Variants in DOCK1 observed in about 807,000 individuals in gnomAD.
DOCK1 encodes the protein dedicator of cytokinesis 1.
DOCK1 carries 138 observed loss-of-function variants against 262.7 expected under a neutral mutation model. The ratio of observed to expected loss-of-function variants is 0.53; its 90% CI spans 0.46 to 0.61. The LOEUF (loss-of-function observed/expected upper bound fraction) is 0.61. Among genes scored for constraint, DOCK1 ranks in the 20% least tolerant of loss-of-function variants. The pLI is 0.00. For synonymous variants in DOCK1, 866 were observed against 867.4 expected, an observed-to-expected ratio of 1.00 and a Z score of 0.03; for missense variants, 1,908 against 2,370.7, an observed-to-expected ratio of 0.80 and a Z score of 4.05.
intron 23 of DOCK1, among the ~76,000 whole-genome samples, chr10:127,076,095 G>A (rs1044322521): frequency 6.6e-6 from 1 of 152,328 alleles, no homozygotes; most frequent in East Asian, 1.9e-4. Flanking sequence ...TTCTTACACA[G>A]AGGGGTGCAA....
intron 27 of DOCK1, among the ~76,000 whole-genome samples, chr10:127,199,879 C>A (rs2057375711): frequency 6.6e-6 from 1 of 152,178 alleles, no homozygotes; most frequent in African/African-American, 2.4e-5. Flanking sequence ...TAACCCTTAC[C>A]CCTCAGTGAA....
At chr10:127,317,006 TG>T (rs2062312805) in intron 29 of DOCK1, among the ~76,000 whole-genome samples, 2 of 152,310 alleles carry the variant, frequency 1.3e-5, no homozygotes, top group African/African-American at 4.8e-5. Flanking sequence ...TAAAGCGAGC[TG>T]ACTTTTCTGT....
intron 46 of DOCK1, among the ~76,000 whole-genome samples, chr10:127,422,505 G>T (rs1394817253): frequency 6.6e-6 from 1 of 151,964 alleles, no homozygotes; most frequent in Non-Finnish European, 1.5e-5. Context: ...TGAGTGAGAA[G>T]TTTTATTTAT....
In DOCK1 at chr10:127,093,242, C is replaced by CTTT. The variant is rs200302331; in HGVS notation, c.2446-12971_2446-12969dup. 2.4e-3 allele frequency among the ~76,000 whole-genome samples: 194 copies of CTTT among 79,260 alleles called. 1 individual carries two copies. Among genetic ancestry groups the CTTT allele is most frequent in the African/African-American group, 3.5e-3 (53 of 15,024 alleles). The allele number at this position is 79,260 out of a possible 152,430, so 52.0% of individuals were successfully genotyped here. On this transcript the variant is annotated intron_variant, in intron 23 of 51. Transcript: ENST00000623213. The stretch of plus-strand genomic sequence containing the variant: ...TCTTTTCTTTCTTTCTTTCTTTCTT[C>CTTT]TTTTTTTTTTTTTTTTTTTTGGAGA...
chr10:127,332,187 C>G (rs1205162365), intron 29 of DOCK1, among the ~76,000 whole-genome samples: 1 of 152,062 alleles, frequency 6.6e-6, no homozygotes, highest in Non-Finnish European at 1.5e-5. Context: ...TCATGGAGAC[C>G]CAAGTGGGGA....
Position 127,409,382 on chromosome 10 carries a change from A to G in DOCK1, c.4334A>G (p.Gln1445Arg). The G allele has an allele frequency of 1.2e-6, 2 of 1,614,022 alleles. No homozygotes were observed. Among genetic ancestry groups the G allele is most frequent in the Non-Finnish European group, 1.7e-6 (2 of 1,179,900 alleles). Residue 1445 changes from glutamine (Q) to arginine (R), a missense_variant, in exon 42 of 52, where the codon CAG becomes CGG. Physicochemically the swap from Gln to Arg is conservative, Grantham distance 43 (BLOSUM62 1). Around this residue, in one of 9 missense-constraint regions of DOCK1, gnomAD observed 267 missense variants for 366.3 expected, o/e 0.73. Coordinates refer to ENST00000623213, the MANE Select transcript of DOCK1 (RefSeq NM_001290223.2). Reference protein sequence around the residue: ...PPKFHRPVSEQIVSFYRVNEV... With the variant: ...PPKFHRPVSERIVSFYRVNEV... Reference sequence around the variant, plus strand: ...AAGTTTCACAGGCCAGTGTCAGAGCAGATTGTAAGGTAATAATCCCATTTT... The same window carrying G: ...AAGTTTCACAGGCCAGTGTCAGAGCGGATTGTAAGGTAATAATCCCATTTT...
intron 29 of DOCK1, among the ~76,000 whole-genome samples, chr10:127,327,397 G>A (rs534070089): frequency 1.2e-3 from 186 of 152,300 alleles, no homozygotes; most frequent in African/African-American, 4.0e-3. Flanking sequence ...TTTATGTTAT[G>A]GAGATGGCTT....
chr10:127,003,226 C>T (rs1428866218), intron 10 of DOCK1, among the ~76,000 whole-genome samples: 1 of 151,960 alleles, frequency 6.6e-6, no homozygotes, highest in Non-Finnish European at 1.5e-5. Flanking sequence ...CTGTGTGAAC[C>T]TTTATGAACC....
At chr10:126,961,240 A>G (rs949932543) in intron 1 of DOCK1, among the ~76,000 whole-genome samples, 23 of 152,274 alleles carry the variant, frequency 1.5e-4, no homozygotes, top group African/African-American at 4.8e-4. Flanking sequence ...CCTAAGAAAG[A>G]TATGAACCCA....
intron 27 of DOCK1, among the ~76,000 whole-genome samples, chr10:127,184,736 T>C (rs1365491888): frequency 6.6e-6 from 1 of 152,226 alleles, no homozygotes; most frequent in African/African-American, 2.4e-5. Context: ...CAGTCTCTAC[T>C]TTGTGTCTTC....
chr10:127,052,965 ATCCT>A, intron 22 of DOCK1, 150 bp downstream of exon 22: 1 of 1,302,698 alleles, frequency 7.7e-7, no homozygotes, highest in Non-Finnish European at 1.0e-6. Flanking sequence ...AGCACTGTTG[ATCCT>A]GGGGTGAGCT....
intron 21 of DOCK1, among the ~76,000 whole-genome samples, chr10:127,047,709 G>T (rs1273524121): frequency 2.1e-4 from 32 of 152,140 alleles, no homozygotes; most frequent in Admixed American, 2.1e-3. Flanking sequence ...TGTGGTTTCT[G>T]TTAGGAATGT....
At chr10:127,047,608 G>A (rs1420728308) in intron 21 of DOCK1, among the ~76,000 whole-genome samples, 3 of 145,720 alleles carry the variant, frequency 2.1e-5, no homozygotes, top group Admixed American at 7.0e-5. Context: ...TGGAACTACT[G>A]CCCAAAACAA....
chr10:127,147,959 A>T (rs894204185), intron 27 of DOCK1, among the ~76,000 whole-genome samples: 3 of 136,492 alleles, frequency 2.2e-5, no homozygotes, highest in African/African-American at 8.0e-5. Context: ...TCAACCCAGG[A>T]GGAGGAGGGT....
intron 29 of DOCK1, among the ~76,000 whole-genome samples, chr10:127,266,933 G>A (rs998307960): frequency 6.6e-6 from 1 of 152,170 alleles, no homozygotes; most frequent in African/African-American, 2.4e-5. Flanking sequence ...AACTTGGGCT[G>A]TACCTGAGTG....
At chr10:127,280,035 A>AAATT (rs1590248247) in intron 29 of DOCK1, among the ~76,000 whole-genome samples, 1 of 59,788 alleles carries the variant, frequency 1.7e-5, no homozygotes, top group African/African-American at 7.5e-5. Context: ...TATATATATA[A>AAATT]TTTTTTTTTT....
chr10:127,037,394 G>T (rs1422326724), intron 18 of DOCK1, among the ~76,000 whole-genome samples: 1 of 152,234 alleles, frequency 6.6e-6, no homozygotes, highest in Admixed American at 6.5e-5. Flanking sequence ...GGGTGAGCAG[G>T]CCTCTTCAGG....
chr10:127,357,211 A>G (rs1470892451), intron 32 of DOCK1, among the ~76,000 whole-genome samples: 1 of 152,164 alleles, frequency 6.6e-6, no homozygotes, highest in Non-Finnish European at 1.5e-5. Context: ...ACCCTGACTG[A>G]TGGGTGCTCC....
chr10:127,277,957 T>G (rs2060803548), intron 29 of DOCK1, among the ~76,000 whole-genome samples: 1 of 152,130 alleles, frequency 6.6e-6, no homozygotes, highest in Non-Finnish European at 1.5e-5. Flanking sequence ...TTATATAATA[T>G]TTCATTAAAA....
Sources: allele counts gnomAD v4.1 joint callset (sites outside exome capture counted in the v4.1 genomes callset), GRCh38; gene constraint gnomAD v4.1.1; regional missense constraint gnomAD v4.1.1; transcripts MANE v1.5; gene names NCBI Gene and HGNC (gene_info 2026-07-23, HGNC 2026-07-21).